Variants in TNNI3K observed in about 807,000 individuals in gnomAD.
The protein encoded by TNNI3K is serine/threonine-protein kinase TNNI3K.
Under a neutral mutation model 114.5 loss-of-function variants are expected in TNNI3K, and 140 were observed. The ratio of observed to expected loss-of-function variants is 1.22; its 90% CI spans 1.07 to 1.41. The LOEUF (loss-of-function observed/expected upper bound fraction) is 1.41, where lower values mean the gene tolerates loss of function less well. TNNI3K is among the 40% of genes most tolerant of loss of function. TNNI3K has a pLI of 0.00. For synonymous variants in TNNI3K, 347 were observed against 347.5 expected (o/e 1.00, Z 0.02); for missense variants, 1,125 against 1,007.6 (o/e 1.12, Z -1.58).
Position 74,367,347 on chromosome 1 carries a change from C to T in TNNI3K, c.1264+5C>T. The T allele has an allele frequency of 1.9e-6, 3 of 1,611,462 alleles. No individual in the cohort carries two copies. The South Asian group carries it at 3.3e-5, about 18-fold the overall frequency. ...AATATTCTCAGCCTGGAGGAGGTAC[C>T]CCTTTTCTTATTCAGTTTTCATTAT... On this transcript the variant is annotated splice_donor_5th_base_variant and intron_variant, in intron 12 of 24. Transcript: ENST00000326637.
chr1:74,383,970 T>C (rs1242288923), intron 17 of TNNI3K, among the ~76,000 whole-genome samples: 4 of 151,872 alleles, frequency 2.6e-5, no homozygotes, highest in Non-Finnish European at 5.9e-5. Flanking sequence ...AGTTAGGTAA[T>C]CCAAAATATA....
intron 23 of TNNI3K, among the ~76,000 whole-genome samples, chr1:74,513,018 G>A (rs1274766485): frequency 2.0e-5 from 3 of 152,136 alleles, no homozygotes; most frequent in South Asian, 2.1e-4. Context: ...CACTTAAAGA[G>A]GAAAATAGTC....
intron 12 of TNNI3K, 64 bp downstream of exon 12, chr1:74,367,406 G>T (rs1662333147): frequency 1.3e-6 from 2 of 1,561,072 alleles, no homozygotes; most frequent in African/African-American, 1.4e-5. Context: ...GTAAACCTGT[G>T]TTTCTGTTAC....
intron 17 of TNNI3K, among the ~76,000 whole-genome samples, chr1:74,428,757 A>T (rs1290545979): frequency 6.6e-6 from 1 of 152,058 alleles, no homozygotes; most frequent in Non-Finnish European, 1.5e-5. Flanking sequence ...TAACGTATTG[A>T]GATCTCATTT....
At chr1:74,340,389 TC>T (rs1374352154) in intron 7 of TNNI3K, among the ~76,000 whole-genome samples, 3 of 152,168 alleles carry the variant, frequency 2.0e-5, no homozygotes, top group Non-Finnish European at 4.4e-5. Context: ...ATTCAATTTT[TC>T]TAAGATATAA....
intron 5 of TNNI3K, among the ~76,000 whole-genome samples, chr1:74,304,430 A>G (rs1340206352): frequency 1.3e-5 from 2 of 152,138 alleles, no homozygotes; most frequent in Non-Finnish European, 2.9e-5. Flanking sequence ...TTTTAGCAAT[A>G]AAGTGATGAT....
At chr1:74,372,826 A>G (rs1281417371) in intron 17 of TNNI3K, 1 of 151,910 alleles carries the variant, frequency 6.6e-6, no homozygotes, top group African/African-American at 2.4e-5. Context: ...GACCAAAAAT[A>G]TAAATGTTGA....
intron 17 of TNNI3K, among the ~76,000 whole-genome samples, chr1:74,404,131 G>T (rs1664500835): frequency 6.6e-6 from 1 of 152,084 alleles, no homozygotes; most frequent in Non-Finnish European, 1.5e-5. Flanking sequence ...AGAACAAGAG[G>T]TAATGTGTAT....
intron 17 of TNNI3K, chr1:74,372,402 A>G (rs989735907): frequency 6.6e-6 from 1 of 151,830 alleles, no homozygotes; most frequent in African/African-American, 2.4e-5. Flanking sequence ...GATAGGAGAG[A>G]TAAATCAGAT....
At chr1:74,505,647 C>T (rs760538308) in intron 23 of TNNI3K, among the ~76,000 whole-genome samples, 7 of 152,020 alleles carry the variant, frequency 4.6e-5, no homozygotes, top group Non-Finnish European at 1.0e-4. Context: ...TTTGCTTACT[C>T]GTATTTGAAG....
At chr1:74,315,200 A>G (rs768599890) in intron 5 of TNNI3K, among the ~76,000 whole-genome samples, 3 of 152,314 alleles carry the variant, frequency 2.0e-5, no homozygotes, top group Admixed American at 6.5e-5. Context: ...TTATACCAGC[A>G]ATTTTACAAG....
intron 7 of TNNI3K, among the ~76,000 whole-genome samples, chr1:74,341,032 A>C (rs749388346): frequency 1.5e-4 from 23 of 152,196 alleles, no homozygotes; most frequent in Non-Finnish European, 3.1e-4. Context: ...AATGAGGATG[A>C]TTGTTTACAA....
chr1:74,461,865 G>T (rs997330873), intron 20 of TNNI3K, among the ~76,000 whole-genome samples: 5 of 152,082 alleles, frequency 3.3e-5, no homozygotes, highest in African/African-American at 9.7e-5. Flanking sequence ...TCTTTGAAGT[G>T]TTTACACCCA....
At chr1:74,493,199 G>T (rs1032956191) in intron 23 of TNNI3K, among the ~76,000 whole-genome samples, 1 of 152,146 alleles carries the variant, frequency 6.6e-6, no homozygotes, top group South Asian at 2.1e-4. Context: ...TGCTTCTAGG[G>T]GATAGGGAGG....
intron 23 of TNNI3K, among the ~76,000 whole-genome samples, chr1:74,496,130 G>T (rs939786028): frequency 3.9e-5 from 6 of 152,154 alleles, no homozygotes; most frequent in Admixed American, 3.9e-4. Flanking sequence ...ATGCTTTAAA[G>T]TTCCCCAGGT....
intron 5 of TNNI3K, among the ~76,000 whole-genome samples, chr1:74,303,219 A>G (rs1033199776): frequency 2.0e-5 from 3 of 151,984 alleles, no homozygotes; most frequent in Admixed American, 1.3e-4. Flanking sequence ...TTTGATATGG[A>G]GTTTCACTCT....
intron 4 of TNNI3K, among the ~76,000 whole-genome samples, chr1:74,257,700 G>A (rs1195615198): frequency 2.6e-5 from 3 of 114,400 alleles, no homozygotes; most frequent in Non-Finnish European, 4.9e-5. Context: ...GCGGAGTCTC[G>A]CTCTGTCACC....
In TNNI3K at chr1:74,381,702, G is replaced by T. The variant is rs550793886; in HGVS notation, c.1772+11310G>T. ...CGAACTTGAATCAGGGATTCAGTCT[G>T]ATACTCCCATTAGACAGAAGCAGAT... On this transcript the variant is annotated intron_variant, in intron 17 of 24. Coordinates refer to ENST00000326637, the MANE Select transcript of TNNI3K (RefSeq NM_015978.3). 3.9e-5 allele frequency among the ~76,000 whole-genome samples: 6 copies of T among 152,186 alleles called. No individual in the cohort carries two copies. In the South Asian group the frequency reaches 6.2e-4, roughly 16 times the overall value.
At chr1:74,478,277 TATG>T (rs1668304214) in intron 21 of TNNI3K, among the ~76,000 whole-genome samples, 2 of 152,192 alleles carry the variant, frequency 1.3e-5, no homozygotes, top group African/African-American at 4.8e-5. Context: ...GATATATTAG[TATG>T]ATAATTCACA....
Sources: gnomAD v4.1 joint callset for allele counts (sites outside exome capture counted in the v4.1 genomes callset) on GRCh38, gnomAD v4.1.1 for gene constraint, MANE v1.5 for transcripts, NCBI Gene and HGNC (gene_info 2026-07-23, HGNC 2026-07-21) for gene names.